Variants in SLTM observed in about 807,000 individuals in gnomAD.
SLTM encodes SAFB-like transcription modulator.
SLTM carries 43 observed loss-of-function variants against 134.6 expected under a neutral mutation model. The ratio of observed to expected loss-of-function variants is 0.32; its 90% confidence interval spans 0.25 to 0.41. SLTM has a LOEUF of 0.41. Among genes scored for constraint, SLTM ranks in the 10% least tolerant of loss-of-function variants. The probability of loss-of-function intolerance (pLI) is 1.00; values close to 1 mark genes in which losing one functional copy is unlikely to be tolerated. For missense variants in SLTM, 1,055 were observed against 1,288.8 expected (o/e 0.82, Z 2.78); for synonymous variants, 424 against 432.3 (o/e 0.98, Z 0.24).
At chr15:58,933,308 C>CGGCTGCGGGCAGCCGGA in intron 1 of SLTM, 96 bp downstream of exon 1, 14 of 1,376,242 alleles carry the variant, frequency 1.0e-5, no homozygotes, top group Non-Finnish European at 1.3e-5. Context: ...CAGGTCCCAG[C>CGGCTGCGGGCAGCCGGA]GGCTGCGGGC....
rs148440197 is a variant in SLTM at position 58,887,397 on chromosome 15, T to C, written c.2519A>G (p.Glu840Gly). Residue 840 changes from glutamate to glycine, a missense_variant, in exon 18 of 21, where the codon GAA (glutamate) becomes GGA (glycine). Physicochemically the swap from Glu to Gly is moderately conservative, Grantham distance 98. This residue lies in a region of SLTM where 776 missense variants were observed against 962.2 expected (regional missense o/e 0.81). Coordinates refer to ENST00000380516, the MANE Select transcript of SLTM (RefSeq NM_024755.4). The part of the protein sequence containing the change: ...EPPPPRNELR[E>G]SDRREVRGER... ...CCCTCGTACTTCTCGCCTGTCTGATTCTCTAAGTTCATTTCTTGGTGGTGG... is the reference window on the plus strand; with the variant it reads ...CCCTCGTACTTCTCGCCTGTCTGATCCTCTAAGTTCATTTCTTGGTGGTGG... 1.1e-4 allele frequency: 183 copies of C among 1,614,054 alleles called. No homozygotes were observed. Among genetic ancestry groups the C allele is most frequent in the Non-Finnish European group, 1.5e-4 (173 of 1,180,018 alleles).
Position 58,899,246 on chromosome 15 carries a change from C to T in SLTM, c.1058+223G>A. On this transcript the variant is annotated intron_variant, in intron 7 of 20. Transcript: ENST00000380516. This position sits in a 1 kb window ranked among gnomAD's most constrained non-coding sequence, Gnocchi z 5.0. Reference sequence around the variant, plus strand: ...AAAAAACAAAAAACAACAAAAAAACCAAATATATGCTGACATTCGACAATG... The same window carrying T: ...AAAAAACAAAAAACAACAAAAAAACTAAATATATGCTGACATTCGACAATG... 2.2e-6 allele frequency: 1 copy of T among 445,100 alleles called. No homozygotes were observed. The highest frequency in any genetic ancestry group is 3.9e-6 in the Non-Finnish European group (1 of 257,146). 27.6% of individuals were successfully genotyped at this position (445,100 alleles called of 1,614,324 possible). A position where few individuals can be genotyped will look rare whatever the true frequency, so the allele number is the denominator to read the frequency against.
chr15:58,897,336 C>T (rs1221171561), intron 8 of SLTM, 103 bp from the exon 9 acceptor site: 19 of 647,036 alleles, frequency 2.9e-5, no homozygotes, highest in Non-Finnish European at 4.3e-5. Context: ...GATAGTATGA[C>T]GTTACTATAT....
chr15:58,899,265 G>T lies in SLTM; in HGVS notation c.1058+204C>A. On this transcript the variant is annotated intron_variant, in intron 7 of 20. Transcript: ENST00000380516. This position sits in a 1 kb window ranked among gnomAD's most constrained non-coding sequence, Gnocchi z 5.0. ...AAAAACCAAATATATGCTGACATTC[G>T]ACAATGCAATCAGTAGAACACACTG... 1 of 473,204 alleles carries T rather than the reference G, an allele frequency of 2.1e-6. No individual in the cohort carries two copies. The highest frequency in any genetic ancestry group is 3.7e-6 in the Non-Finnish European group (1 of 273,268). 29.3% of individuals were successfully genotyped at this position (473,204 alleles called of 1,614,324 possible). A position where few individuals can be genotyped will look rare whatever the true frequency, so the allele number is the denominator to read the frequency against.
At chr15:58,890,168 T>C (rs778935956) in intron 15 of SLTM, 113 bp downstream of exon 15, 42 of 1,224,132 alleles carry the variant, frequency 3.4e-5, no homozygotes, top group Non-Finnish European at 4.4e-5. Context: ...AAAAGCTCCT[T>C]AGCTAAACTC....
chr15:58,883,919 G>A (rs1209434558), intron 19 of SLTM, 133 bp from the exon 20 acceptor site: 32 of 873,370 alleles, frequency 3.7e-5, no homozygotes, highest in Non-Finnish European at 5.3e-5. Flanking sequence ...CTAACATGGT[G>A]CAACCCCGTT....
intron 2 of SLTM, among the ~76,000 whole-genome samples, chr15:58,925,757 T>C (rs2037409607): frequency 6.6e-6 from 1 of 152,130 alleles, no homozygotes; most frequent in African/African-American, 2.4e-5. Flanking sequence ...ATGAACAGAA[T>C]AAACAATTCC....
intron 3 of SLTM, 138 bp from the exon 4 acceptor site, chr15:58,913,834 C>T: frequency 1.6e-6 from 1 of 634,770 alleles, no homozygotes; most frequent in East Asian, 2.7e-5. Context: ...TTCATTTTAC[C>T]TTATATATTT....
At chr15:58,909,803 T>G (rs2036129477) in intron 5 of SLTM, among the ~76,000 whole-genome samples, 1 of 152,212 alleles carries the variant, frequency 6.6e-6, no homozygotes, top group African/African-American at 2.4e-5. Flanking sequence ...ACCACAGGAA[T>G]GTAATCAGCA....
chr15:58,905,429 G>C (rs567616849), intron 5 of SLTM, among the ~76,000 whole-genome samples: 1 of 152,142 alleles, frequency 6.6e-6, no homozygotes, highest in African/African-American at 2.4e-5. Context: ...GTGGCCAGGC[G>C]TGGTGGCTCA....
At chr15:58,891,796 T>C (rs1461385298) in intron 14 of SLTM, among the ~76,000 whole-genome samples, 2 of 152,168 alleles carry the variant, frequency 1.3e-5, no homozygotes, top group African/African-American at 4.8e-5. Context: ...TTTTTTGAAA[T>C]TGTTAGTATA....
chr15:58,882,061 G>A (rs1207745321), intron 20 of SLTM, among the ~76,000 whole-genome samples: 3 of 151,382 alleles, frequency 2.0e-5, no homozygotes, highest in Admixed American at 1.3e-4. Flanking sequence ...ACAAAAATTA[G>A]CTGGGCGTGG....
chr15:58,881,387 A>ACAT (rs1479349635), intron 20 of SLTM, among the ~76,000 whole-genome samples: 58 of 151,874 alleles, frequency 3.8e-4, no homozygotes, highest in African/African-American at 1.2e-3. Flanking sequence ...AATCAGCTGA[A>ACAT]CATGGTGGCA....
At chr15:58,912,530 A>G (rs536313022) in intron 5 of SLTM, 33 bp downstream of exon 5, 2 of 1,583,452 alleles carry the variant, frequency 1.3e-6, no homozygotes, top group East Asian at 2.2e-5. Flanking sequence ...TCCACCCACA[A>G]TATCGAATTC....
At chr15:58,898,353 G>T (rs986687093) in intron 8 of SLTM, 1 of 152,508 alleles carries the variant, frequency 6.6e-6, no homozygotes, top group Non-Finnish European at 1.5e-5. Context: ...ATTGCACTTT[G>T]AAACTTACAA....
In SLTM at chr15:58,886,599, GA is replaced by G. The variant is rs1436173355; in HGVS notation, c.2835+375del. Among the ~76,000 whole-genome samples the G allele has an allele frequency of 2.0e-5, 3 of 152,108 alleles. No individual in the cohort carries two copies. In the East Asian group the frequency reaches 5.8e-4, roughly 29 times the overall value. ...CGGCCAAGAATATTTTATTGAAAAG[GA>G]AACACAAGTAGGGGCCAAAGATTTC... is the stretch of plus-strand genomic sequence containing the variant. On this transcript the variant is annotated intron_variant, in intron 19 of 20. Coordinates refer to ENST00000380516, the MANE Select transcript of SLTM (RefSeq NM_024755.4).
chr15:58,933,642 C>T lies in SLTM; in HGVS notation c.-77G>A, dbSNP rs2038066580. ...CAGCAGCGCCAACTTCCACCCAGGC[C>T]TCGGCGGCCGCCGGCGCCGCGCAGC... On this transcript the variant is annotated 5_prime_UTR_variant, in exon 1 of 21. Transcript: ENST00000380516. The T allele has an allele frequency of 7.2e-7, 1 of 1,388,628 alleles. No individual in the cohort carries two copies. The highest frequency in any genetic ancestry group is 9.3e-7 in the Non-Finnish European group (1 of 1,075,560). 86.0% of individuals were successfully genotyped at this position (1,388,628 alleles called of 1,614,324 possible).
rs757962613 is a variant in SLTM at position 58,921,241 on chromosome 15, C to CA, written c.251-4243dup. On this transcript the variant is annotated intron_variant, in intron 2 of 20. Transcript: ENST00000380516. ...CTCTGAAACAATTATGCCCCTTTTA[C>CA]AAAAGAGACACTAAGTCTGAAAAAT... Among the ~76,000 whole-genome samples the CA allele has an allele frequency of 1.1e-3, 170 of 152,260 alleles. 3 individuals are homozygous for CA. Among genetic ancestry groups the CA allele is most frequent in the Non-Finnish European group, 4.7e-4 (32 of 68,016 alleles).
intron 12 of SLTM, among the ~76,000 whole-genome samples, 199 bp downstream of exon 12, chr15:58,893,622 A>T (rs1401293666): frequency 6.6e-6 from 1 of 152,162 alleles, no homozygotes; most frequent in African/African-American, 2.4e-5. Flanking sequence ...ATAGCAAAGG[A>T]GCTTAGCTGG....
Sources: allele counts gnomAD v4.1 joint callset (sites outside exome capture counted in the v4.1 genomes callset), GRCh38; gene constraint gnomAD v4.1.1; regional missense constraint gnomAD v4.1.1; non-coding constraint Gnocchi (gnomAD v3.1); transcripts MANE v1.5; gene names NCBI Gene and HGNC (gene_info 2026-07-23, HGNC 2026-07-21).